MDN1: variants seen among roughly 807,000 people sequenced by gnomAD.
MDN1 encodes the protein midasin AAA ATPase 1, also known as midasin.
In MDN1, 266 loss-of-function variants were observed where a neutral mutation model predicts 669.2. That is an observed-to-expected ratio of 0.40 (90% CI 0.36 to 0.44). The LOEUF (loss-of-function observed/expected upper bound fraction) is 0.44, where lower values mean the gene tolerates loss of function less well. Among genes scored for constraint, MDN1 ranks in the 20% least tolerant of loss-of-function variants. The pLI, the probability that MDN1 is intolerant of heterozygous loss-of-function variation, is 1.00. For synonymous variants in MDN1, 2,385 were observed against 2,457.1 expected (o/e 0.97, Z 0.87); for missense variants, 5,940 against 6,754.0 (o/e 0.88, Z 4.22).
At chr6:89,670,170 A>ATATTTTTT (rs1444537561) in intron 83 of MDN1, among the ~76,000 whole-genome samples, 5 of 23,412 alleles carry the variant, frequency 2.1e-4, no homozygotes, top group African/African-American at 1.0e-3. Context: ...ATATATATAT[A>ATATTTTTT]TTTTTTTTTT....
At position 89,714,711 on chromosome 6, in the gene MDN1, G is replaced by A. The variant is rs756854232; in HGVS notation, c.6901C>T (p.Arg2301Ter). The change falls in exon 46 of 102, where the codon CGA becomes TGA. Residue 2301 changes from arginine (R) to a stop codon, truncating the protein, a stop_gained. Transcript: ENST00000369393. LOFTEE classifies it high-confidence loss of function. The stretch of plus-strand genomic sequence containing the variant: ...TCAAGTCCACGATTCCTCATAGCTC[G>A]GGATATATCTCCATGAACAGGATCC... The part of the protein sequence containing the change: ...SMDPVHGDIS[R>*]AMRNRGLEIY... The A allele has an allele frequency of 1.9e-6, 3 of 1,613,966 alleles. No homozygotes were observed. The highest frequency in any genetic ancestry group is 1.7e-6 in the Non-Finnish European group (2 of 1,179,960).
In MDN1 at chr6:89,723,546, T is replaced by C. The variant is rs780630098; in HGVS notation, c.5744A>G (p.Asn1915Ser). Residue 1915 changes from asparagine (N) to serine (S), a missense_variant, in exon 39 of 102, where the codon AAT becomes AGT. Coordinates refer to ENST00000369393, the MANE Select transcript of MDN1 (RefSeq NM_014611.3). ...GAAAGCAACCATTTTCTTAACAATA[T>C]TTTTCTCAATGGCTGGAAACAAAGT... ...ASTLFPAIEK[N>S]IVKKMVAFNN... The C allele has an allele frequency of 5.0e-6, 8 of 1,597,442 alleles. No homozygotes were observed. Among genetic ancestry groups the C allele is most frequent in the South Asian group, 3.4e-5 (3 of 89,518 alleles).
chr6:89,740,311 T>G lies in MDN1; in HGVS notation c.4516A>C (p.Ile1506Leu). ...TTTTTCCCAGCAGTCAACAGCTCTA[T>G]TTCACTATCCTTGTCCTCTGGACTG... ...KGSPEDKDSE[I>L]ELLTAGKKFR... The change falls in exon 32 of 102, where the codon ATA (isoleucine) becomes CTA (leucine). Residue 1506 changes from isoleucine (I) to leucine (L), a missense_variant. This residue lies in a region of MDN1 where 2,292 missense variants were observed against 2,638.3 expected (regional missense o/e 0.87). Transcript: ENST00000369393. 1 of 1,610,808 alleles carries G rather than the reference T, an allele frequency of 6.2e-7. No homozygotes were observed. Among genetic ancestry groups the G allele is most frequent in the Non-Finnish European group, 8.5e-7 (1 of 1,179,100 alleles).
rs200973175 is a variant in MDN1 at position 89,690,017 on chromosome 6, T to C, written c.10876A>G (p.Ile3626Val). ...AAGTTGAGACACAATTGCTGGTGTA[T>C]CAGCATTACTGCCTGCATTGAATTC... is the stretch of plus-strand genomic sequence containing the variant. The part of the protein sequence containing the change: ...SQNSMQAVML[I>V]HQQLCLNFAR... The change falls in exon 65 of 102, where the codon ATA becomes GTA. Residue 3626 changes from isoleucine (I) to valine (V), a missense_variant. Coordinates refer to ENST00000369393, the MANE Select transcript of MDN1 (RefSeq NM_014611.3). The C allele has an allele frequency of 8.8e-5, 142 of 1,614,212 alleles. No individual in the cohort carries two copies. Among genetic ancestry groups the C allele is most frequent in the Non-Finnish European group, 1.1e-4 (126 of 1,180,028 alleles).
chr6:89,789,763 T>C lies in MDN1; in HGVS notation c.1230+17A>G. The C allele has an allele frequency of 1.9e-6, 3 of 1,571,236 alleles. No homozygotes were observed. Among genetic ancestry groups the C allele is most frequent in the Non-Finnish European group, 2.6e-6 (3 of 1,159,852 alleles). ...GAAAATATATTAAGGGACAATGAAT[T>C]TCCTGAGATGACATACCACGTCTAA... On this transcript the variant is annotated intron_variant, in intron 7 of 101. Coordinates refer to ENST00000369393, the MANE Select transcript of MDN1 (RefSeq NM_014611.3).
chr6:89,808,311 G>T (rs1462389212), intron 1 of MDN1, among the ~76,000 whole-genome samples: 1 of 151,994 alleles, frequency 6.6e-6, no homozygotes, highest in Non-Finnish European at 1.5e-5. Flanking sequence ...CTTTGTTCTA[G>T]CAGGCAGTTA....
At position 89,695,946 on chromosome 6, in the gene MDN1, C is replaced by T; in HGVS notation, c.9430G>A (p.Ala3144Thr). Residue 3144 changes from alanine (A) to threonine (T), a missense_variant, in exon 61 of 102, where the codon GCA becomes ACA. Physicochemically the swap from Ala to Thr is moderately conservative, Grantham distance 58. Around this residue, in one of 5 missense-constraint regions of MDN1, gnomAD observed 2,292 missense variants for 2,638.3 expected, o/e 0.87. Transcript: ENST00000369393. The surrounding 1 kb of genome is among the most constrained non-coding windows in gnomAD (Gnocchi z 4.1). ...LQGQVLFRHLAGLAELLPESR... is the reference protein window; with the variant it reads ...LQGQVLFRHLTGLAELLPESR... The stretch of plus-strand genomic sequence containing the variant: ...TCTGGGAGCAGCTCTGCTAGGCCTG[C>T]CAGGTGCCGGAACAGCACCTGCCCC... The T allele has an allele frequency of 6.2e-7, 1 of 1,611,886 alleles. No homozygotes were observed. Among genetic ancestry groups the T allele is most frequent in the East Asian group, 2.2e-5 (1 of 44,870 alleles).
intron 31 of MDN1, 71 bp downstream of exon 31, chr6:89,743,079 G>A: frequency 6.4e-7 from 1 of 1,568,326 alleles, no homozygotes; most frequent in Non-Finnish European, 8.7e-7. Context: ...TGAGAACACT[G>A]TCTCAGGGAG....
intron 21 of MDN1, among the ~76,000 whole-genome samples, 194 bp downstream of exon 21, chr6:89,753,889 A>G (rs1369055147): frequency 6.6e-6 from 1 of 152,176 alleles, no homozygotes. Context: ...CTCTATGTAT[A>G]ATTAAAAATA....
chr6:89,744,641 G>A (rs1203359759), intron 29 of MDN1, among the ~76,000 whole-genome samples: 2 of 151,972 alleles, frequency 1.3e-5, no homozygotes, highest in Non-Finnish European at 2.9e-5. Context: ...GAGCTCAAGT[G>A]ATCCGCCTGC....
intron 69 of MDN1, among the ~76,000 whole-genome samples, chr6:89,686,434 T>A (rs1026249435): frequency 3.4e-5 from 5 of 149,102 alleles, no homozygotes; most frequent in Admixed American, 2.0e-4. Flanking sequence ...CAAAAAAAAA[T>A]AAAAAACAAA....
In MDN1 at chr6:89,707,342, A is replaced by G. The variant is rs1813580882; in HGVS notation, c.8014+19T>C. On this transcript the variant is annotated intron_variant, in intron 52 of 101. Transcript: ENST00000369393. ...AATCAGATGCTTAATTAGAGAACAC[A>G]AAAGGTAAATGTTCTTACCTTGATG... The G allele has an allele frequency of 1.3e-6, 2 of 1,516,574 alleles. No individual in the cohort carries two copies. Among genetic ancestry groups the G allele is most frequent in the Non-Finnish European group, 9.2e-7 (1 of 1,091,694 alleles). 93.9% of individuals were successfully genotyped at this position (1,516,574 alleles called of 1,614,324 possible). A position where few individuals can be genotyped will look rare whatever the true frequency, so the allele number is the denominator to read the frequency against.
intron 53 of MDN1, among the ~76,000 whole-genome samples, chr6:89,703,268 T>G (rs557672488): frequency 4.0e-5 from 6 of 151,714 alleles, no homozygotes; most frequent in Non-Finnish European, 7.4e-5. Context: ...AAACATCTAA[T>G]TCTTCCATCA....
rs759915136 is a variant in MDN1, at chr6:89,743,197, C to G, written c.4401G>C (p.Leu1467Phe). Residue 1467 changes from leucine (L) to phenylalanine (F), a missense_variant, in exon 31 of 102, where the codon TTG becomes TTC. Coordinates refer to ENST00000369393, the MANE Select transcript of MDN1 (RefSeq NM_014611.3). The stretch of plus-strand genomic sequence containing the variant: ...AGTCATCGGCCAATGAGATCTCATC[C>G]AAGAGGAAAAAGCCGTCCTCCTTCA... ...QAMKEDGFFL[L>F]DEISLADDSV... 8.1e-6 allele frequency: 13 copies of G among 1,614,006 alleles called. No homozygotes were observed. Among genetic ancestry groups the G allele is most frequent in the Middle Eastern group, 1.6e-4 (1 of 6,084 alleles).
chr6:89,753,430 G>GAAA, intron 22 of MDN1, 82 bp downstream of exon 22: 6 of 891,446 alleles, frequency 6.7e-6, no homozygotes, highest in Non-Finnish European at 8.5e-6. Flanking sequence ...AAAGTTATGT[G>GAAA]AAAAAAAAAA....
At chr6:89,779,641 C>T (rs1818552403) in intron 11 of MDN1, among the ~76,000 whole-genome samples, 1 of 152,202 alleles carries the variant, frequency 6.6e-6, no homozygotes, top group Admixed American at 6.5e-5. Flanking sequence ...CCTTTAATTT[C>T]ACTACCTGTT....
At position 89,729,103 on chromosome 6, in the gene MDN1, G is replaced by A; in HGVS notation, c.5177C>T (p.Ala1726Val). The change falls in exon 36 of 102, where the codon GCA (alanine) becomes GTA (valine). Residue 1726 changes from alanine to valine, a missense_variant. Physicochemically the swap from Ala to Val is moderately conservative, Grantham distance 64. Coordinates refer to ENST00000369393, the MANE Select transcript of MDN1 (RefSeq NM_014611.3). Reference protein sequence around the residue: ...VLHRNNIADYALSAGTTAMNA... With the variant: ...VLHRNNIADYVLSAGTTAMNA... ...CATAGCAGTGGTCCCTGCACTGAGT[G>A]CATAGTCTGCAATATTATTCCTGTG... 6.2e-7 allele frequency: 1 copy of A among 1,613,652 alleles called. No homozygotes were observed. The highest frequency in any genetic ancestry group is 8.5e-7 in the Non-Finnish European group (1 of 1,179,972).
chr6:89,806,397 T>C (rs1246322574), intron 1 of MDN1, among the ~76,000 whole-genome samples: 1 of 152,006 alleles, frequency 6.6e-6, no homozygotes, highest in Non-Finnish European at 1.5e-5. Context: ...ATGCCATCTC[T>C]TCAAAAAAAT....
intron 69 of MDN1, 97 bp from the exon 70 acceptor site, chr6:89,686,070 A>G: frequency 1.7e-6 from 2 of 1,200,440 alleles, no homozygotes; most frequent in South Asian, 3.0e-5. Context: ...ACGGATGGCC[A>G]AGAGGTAGAC....
Sources: allele counts gnomAD v4.1 joint callset (sites outside exome capture counted in the v4.1 genomes callset), GRCh38; gene constraint gnomAD v4.1.1; regional missense constraint gnomAD v4.1.1; non-coding constraint Gnocchi (gnomAD v3.1); transcripts MANE v1.5; gene names NCBI Gene and HGNC (gene_info 2026-07-23, HGNC 2026-07-21).